Variants in M1AP observed in about 807,000 individuals in gnomAD.
M1AP encodes the protein meiosis 1 arrest protein.
Under a neutral mutation model 51.2 loss-of-function variants are expected in M1AP, and 39 were observed. The ratio of observed to expected loss-of-function variants is 0.76; its 90% CI spans 0.59 to 1.00. The LOEUF (loss-of-function observed/expected upper bound fraction) is 1.00, where lower values mean the gene tolerates loss of function less well. Ranked by LOEUF, M1AP falls within the 50% of genes least tolerant of loss-of-function variation. The probability of loss-of-function intolerance (pLI) is 0.00; values close to 1 mark genes in which losing one functional copy is unlikely to be tolerated. For missense variants in M1AP, 545 were observed against 641.2 expected, an observed-to-expected ratio of 0.85 and a Z score of 1.62; for synonymous variants, 251 against 249.2, an observed-to-expected ratio of 1.01 and a Z score of -0.07.
At chr2:74,637,089 C>T (rs112690262) in intron 2 of M1AP, among the ~76,000 whole-genome samples, 19 of 152,180 alleles carry the variant, frequency 1.2e-4, no homozygotes, top group African/African-American at 2.2e-4. Flanking sequence ...TATCAGATGG[C>T]GTGAAGTTGC....
intron 8 of M1AP, among the ~76,000 whole-genome samples, chr2:74,561,286 A>T (rs1180068237): frequency 7.0e-6 from 1 of 143,304 alleles, no homozygotes; most frequent in East Asian, 2.0e-4. Context: ...GGAGGTAAAA[A>T]TGGCTTTCAG....
intron 5 of M1AP, 109 bp from the exon 6 acceptor site, chr2:74,576,727 C>A: frequency 7.6e-7 from 1 of 1,322,612 alleles, no homozygotes; most frequent in Admixed American, 2.2e-5. Context: ...GCTACCCATT[C>A]CATCTCTACC....
chr2:74,594,629 T>C (rs1680226175), intron 4 of M1AP, among the ~76,000 whole-genome samples: 1 of 152,144 alleles, frequency 6.6e-6, no homozygotes, highest in Non-Finnish European at 1.5e-5. Context: ...ATCCTGGCAT[T>C]TTCAGAGGCC....
At chr2:74,590,447 G>A (rs1679976202) in intron 4 of M1AP, among the ~76,000 whole-genome samples, 1 of 151,858 alleles carries the variant, frequency 6.6e-6, no homozygotes, top group Non-Finnish European at 1.5e-5. Context: ...AGGGGGGGCG[G>A]GGGCGGGATA....
chr2:74,607,059 A>G lies in M1AP; in HGVS notation c.591T>C (p.Asn197=), dbSNP rs765369002. 4.3e-6 allele frequency: 7 copies of G among 1,612,068 alleles called. No homozygotes were observed. The highest frequency in any genetic ancestry group is 5.9e-6 in the Non-Finnish European group (7 of 1,179,410). ...DSASPVEDTS[N]DESSILGTDI... ...ACCTTGTTAAAAAATTCTTACCATC[A>G]TTGCTGGTATCCTCAACAGGAGACG... Residue 197 remains asparagine, a synonymous_variant, in exon 4 of 11, where the codon AAT becomes AAC. Coordinates refer to ENST00000421985, the MANE Select transcript of M1AP (RefSeq NM_001321739.2).
At position 74,576,714 on chromosome 2, in the gene M1AP, T is replaced by A. The variant is rs550638946; in HGVS notation, c.770-96A>T. 18 of 1,389,082 alleles carry A rather than the reference T, an allele frequency of 1.3e-5. No homozygotes were observed. The African/African-American group carries it at 2.6e-4, about 20-fold the overall frequency. 86.0% of individuals were successfully genotyped at this position (1,389,082 alleles called of 1,614,324 possible). A position where few individuals can be genotyped will look rare whatever the true frequency, so the allele number is the denominator to read the frequency against. On this transcript the variant is annotated intron_variant, in intron 5 of 10. Coordinates refer to ENST00000421985, the MANE Select transcript of M1AP (RefSeq NM_001321739.2). ...TAGGCTATGCCATTAAGAGACAACA[T>A]CTGCTACCCATTCCATCTCTACCAG...
chr2:74,634,238 C>G (rs1252367023), intron 2 of M1AP, among the ~76,000 whole-genome samples: 3 of 152,118 alleles, frequency 2.0e-5, no homozygotes, highest in Non-Finnish European at 2.9e-5. Flanking sequence ...AAATGACCAA[C>G]AAATACCTTG....
chr2:74,609,390 T>C (rs1681199357), intron 3 of M1AP, among the ~76,000 whole-genome samples: 1 of 152,258 alleles, frequency 6.6e-6, no homozygotes. Flanking sequence ...AACAGGCTTT[T>C]ATTCTTTCTT....
At chr2:74,635,418 C>A (rs1682929603) in intron 2 of M1AP, among the ~76,000 whole-genome samples, 1 of 151,940 alleles carries the variant, frequency 6.6e-6, no homozygotes, top group East Asian at 1.9e-4. Context: ...TTTTATTGAT[C>A]TTTTCAAAGA....
chr2:74,560,730 A>G (rs1677866457), intron 8 of M1AP, among the ~76,000 whole-genome samples: 1 of 152,106 alleles, frequency 6.6e-6, no homozygotes, highest in African/African-American at 2.4e-5. Context: ...GGAGGAGGGG[A>G]TACAGGAGCA....
intron 2 of M1AP, among the ~76,000 whole-genome samples, chr2:74,639,039 C>A (rs911727525): frequency 7.9e-5 from 12 of 152,276 alleles, no homozygotes; most frequent in African/African-American, 2.6e-4. Flanking sequence ...CATTTATACT[C>A]AAAACTTTCC....
At chr2:74,558,921 A>C in intron 10 of M1AP, 47 bp from the exon 11 acceptor site, 3 of 1,537,928 alleles carry the variant, frequency 2.0e-6, no homozygotes, top group Non-Finnish European at 2.6e-6. Flanking sequence ...AGAGTTTCTG[A>C]GCACCTATCC....
chr2:74,623,923 T>C (rs777630193), intron 2 of M1AP, among the ~76,000 whole-genome samples: 5 of 152,124 alleles, frequency 3.3e-5, no homozygotes, highest in Non-Finnish European at 7.4e-5. Context: ...CCTCCCAACT[T>C]GCCTCCCGAA....
intron 3 of M1AP, among the ~76,000 whole-genome samples, chr2:74,609,353 T>C (rs1204281544): frequency 1.3e-5 from 2 of 152,238 alleles, no homozygotes; most frequent in African/African-American, 4.8e-5. Context: ...TATAATGTTC[T>C]CTAGACTCAT....
chr2:74,580,123 G>A (rs1024823661), intron 5 of M1AP, among the ~76,000 whole-genome samples: 3 of 152,026 alleles, frequency 2.0e-5, no homozygotes, highest in Non-Finnish European at 4.4e-5. Context: ...CTTTCTTACT[G>A]GTACATAAAA....
At chr2:74,572,201 G>C (rs1008238943) in intron 7 of M1AP, among the ~76,000 whole-genome samples, 2 of 152,176 alleles carry the variant, frequency 1.3e-5, no homozygotes, top group African/African-American at 2.4e-5. Context: ...AAGTGAAGGA[G>C]AATTAGCTTC....
intron 2 of M1AP, among the ~76,000 whole-genome samples, chr2:74,637,661 C>T (rs191058909): frequency 4.6e-5 from 7 of 152,246 alleles, no homozygotes; most frequent in Admixed American, 1.3e-4. Flanking sequence ...CTATTTTATG[C>T]CCTACTACTG....
chr2:74,638,118 G>A (rs1288447959), intron 2 of M1AP, among the ~76,000 whole-genome samples: 3 of 151,366 alleles, frequency 2.0e-5, no homozygotes, highest in Non-Finnish European at 2.9e-5. Flanking sequence ...GCAGTGGCGC[G>A]ACCTCGGCTC....
chr2:74,559,150 C>G (rs1432638055), intron 10 of M1AP, among the ~76,000 whole-genome samples: 2 of 151,122 alleles, frequency 1.3e-5, no homozygotes, highest in Admixed American at 1.3e-4. Context: ...GTAATTTTAG[C>G]TAAGACAAAA....
Sources: gnomAD v4.1 joint callset for allele counts (sites outside exome capture counted in the v4.1 genomes callset) on GRCh38, gnomAD v4.1.1 for gene constraint, MANE v1.5 for transcripts, NCBI Gene and HGNC (gene_info 2026-07-23, HGNC 2026-07-21) for gene names.